Variants in MINDY4 observed in about 807,000 individuals in gnomAD.
MINDY4 encodes probable ubiquitin carboxyl-terminal hydrolase MINDY-4.
MINDY4 carries 68 observed loss-of-function variants against 87.0 expected under a neutral mutation model. That is an observed-to-expected ratio of 0.78 (90% confidence interval 0.64 to 0.96). The LOEUF (loss-of-function observed/expected upper bound fraction) is 0.96. MINDY4 is among the 40% of genes least tolerant of loss of function. The probability of loss-of-function intolerance (pLI) is 0.00; values close to 1 mark genes in which losing one functional copy is unlikely to be tolerated. For missense variants in MINDY4, 919 were observed against 928.2 expected, an observed-to-expected ratio of 0.99 and a Z score of 0.13; for synonymous variants, 379 against 363.2, an observed-to-expected ratio of 1.04 and a Z score of -0.50.
intron 9 of MINDY4, among the ~76,000 whole-genome samples, chr7:30,844,691 G>A (rs1230440771): frequency 1.3e-5 from 2 of 152,196 alleles, no homozygotes; most frequent in Non-Finnish European, 2.9e-5. Flanking sequence ...TGTCTAGCCT[G>A]TAGATGTTGG....
At chr7:30,824,255 A>T (rs1788430295) in intron 5 of MINDY4, among the ~76,000 whole-genome samples, 1 of 152,158 alleles carries the variant, frequency 6.6e-6, no homozygotes, top group Non-Finnish European at 1.5e-5. Context: ...GGGGAGGCTG[A>T]GTGTGCTAAT....
intron 15 of MINDY4, among the ~76,000 whole-genome samples, chr7:30,880,913 A>G (rs1283976092): frequency 6.6e-6 from 1 of 152,200 alleles, no homozygotes; most frequent in Non-Finnish European, 1.5e-5. Flanking sequence ...GACCTGGTTC[A>G]GGACCTTCAG....
intron 12 of MINDY4, among the ~76,000 whole-genome samples, chr7:30,857,149 G>C (rs1336539192): frequency 3.9e-5 from 6 of 152,188 alleles, no homozygotes; most frequent in Admixed American, 3.3e-4. Context: ...GGGCTCTGCT[G>C]TGCCCCCGCA....
chr7:30,864,037 C>G (rs1445866295), intron 13 of MINDY4, among the ~76,000 whole-genome samples: 1 of 152,196 alleles, frequency 6.6e-6, no homozygotes, highest in Non-Finnish European at 1.5e-5. Context: ...CAGACCTGGC[C>G]AGGTCATTGA....
At chr7:30,865,884 G>A (rs1789919499) in intron 13 of MINDY4, among the ~76,000 whole-genome samples, 1 of 152,212 alleles carries the variant, frequency 6.6e-6, no homozygotes, top group South Asian at 2.1e-4. Context: ...AGGGGTAACA[G>A]GAGCTGCTCA....
chr7:30,798,761 G>A (rs535240855), intron 5 of MINDY4, among the ~76,000 whole-genome samples: 1 of 152,324 alleles, frequency 6.6e-6, no homozygotes, highest in South Asian at 2.1e-4. Flanking sequence ...GCCTCTCAAA[G>A]TGCTGGGATT....
chr7:30,783,424 C>T (rs1175312189), intron 3 of MINDY4, among the ~76,000 whole-genome samples: 1 of 152,138 alleles, frequency 6.6e-6, no homozygotes, highest in Non-Finnish European at 1.5e-5. Context: ...AGCTAGCCCA[C>T]TTACATAGTT....
Position 30,796,143 on chromosome 7 carries a change from A to G in MINDY4, c.1073+4569A>G, listed in dbSNP as rs995544733. On this transcript the variant is annotated intron_variant, in intron 5 of 17. Transcript: ENST00000265299. ...GTACTTTTTTTTTTTTTGTCTCACT[A>G]TGGTTTTTAAAATATTCATCTACTC... is the stretch of plus-strand genomic sequence containing the variant. Among the ~76,000 whole-genome samples the G allele has an allele frequency of 6.0e-5, 9 of 150,758 alleles. No homozygotes were observed. The South Asian group carries it at 1.3e-3, about 21-fold the overall frequency.
chr7:30,824,713 AC>A (rs1788445954), intron 5 of MINDY4, among the ~76,000 whole-genome samples: 1 of 151,960 alleles, frequency 6.6e-6, no homozygotes, highest in Non-Finnish European at 1.5e-5. Context: ...AGCTGGGATT[AC>A]AGGTGCGTGA....
intron 17 of MINDY4, 102 bp from the exon 18 acceptor site, chr7:30,891,855 C>A: frequency 2.5e-6 from 3 of 1,178,516 alleles, no homozygotes; most frequent in Non-Finnish European, 2.5e-6. Flanking sequence ...CTATTCAAAG[C>A]CTCCAAGACA....
At chr7:30,848,400 G>A (rs1040270284) in intron 9 of MINDY4, among the ~76,000 whole-genome samples, 6 of 152,236 alleles carry the variant, frequency 3.9e-5, no homozygotes, top group Non-Finnish European at 8.8e-5. Flanking sequence ...CACAGCAGGG[G>A]AAGGGTGGGC....
intron 9 of MINDY4, among the ~76,000 whole-genome samples, chr7:30,841,377 G>A (rs542090201): frequency 1.3e-5 from 2 of 152,222 alleles, no homozygotes; most frequent in South Asian, 2.1e-4. Flanking sequence ...CTCTGTGCAG[G>A]CACAAATGAT....
At chr7:30,886,598 C>T (rs537754235) in intron 17 of MINDY4, among the ~76,000 whole-genome samples, 10 of 152,338 alleles carry the variant, frequency 6.6e-5, no homozygotes, top group Admixed American at 2.6e-4. Flanking sequence ...CTGTGGCTTA[C>T]GCTTTTGCTG....
intron 5 of MINDY4, among the ~76,000 whole-genome samples, chr7:30,803,588 C>A (rs1275019308): frequency 1.3e-5 from 2 of 152,088 alleles, no homozygotes; most frequent in East Asian, 1.9e-4. Context: ...TTTGAATAAC[C>A]CAGTTTTGTG....
intron 13 of MINDY4, among the ~76,000 whole-genome samples, chr7:30,866,322 T>C (rs904681306): frequency 3.3e-5 from 5 of 152,224 alleles, no homozygotes; most frequent in Non-Finnish European, 7.3e-5. Flanking sequence ...ATTAACCTGC[T>C]GAAAGGGTCT....
At chr7:30,780,371 AT>A (rs1347264283) in intron 2 of MINDY4, 1 of 152,138 alleles carries the variant, frequency 6.6e-6, no homozygotes, top group African/African-American at 2.4e-5. Flanking sequence ...ACCTTACCTA[AT>A]TTCCCAAAAG....
At chr7:30,859,051 C>T (rs1039613529) in intron 12 of MINDY4, 9 of 714,110 alleles carry the variant, frequency 1.3e-5, no homozygotes, top group South Asian at 7.5e-5. Flanking sequence ...GCATCACCCT[C>T]GCTCTGCTGT....
chr7:30,771,474 G>A lies in MINDY4; in HGVS notation c.-20G>A. On this transcript the variant is annotated 5_prime_UTR_variant, in exon 1 of 18. Transcript: ENST00000265299. ...CTGCGGCCCGGCGTGGGCCTCGTGG[G>A]CAGAGCCAGAGCCAGAGCCATGGAC... 1.9e-6 allele frequency: 3 copies of A among 1,598,044 alleles called. No individual in the cohort carries two copies. The South Asian group carries it at 3.4e-5, about 18-fold the overall frequency.
At chr7:30,865,588 C>T (rs368287412) in intron 13 of MINDY4, among the ~76,000 whole-genome samples, 3 of 152,282 alleles carry the variant, frequency 2.0e-5, no homozygotes, top group East Asian at 1.9e-4. Flanking sequence ...ATCTCTGCCT[C>T]GCTTCCTCTG....
Sources: allele counts gnomAD v4.1 joint callset (sites outside exome capture counted in the v4.1 genomes callset), GRCh38; gene constraint gnomAD v4.1.1; transcripts MANE v1.5; gene names NCBI Gene and HGNC (gene_info 2026-07-23, HGNC 2026-07-21).